Variants in ARHGAP24 observed in about 807,000 individuals in gnomAD.
ARHGAP24 encodes Rho GTPase activating protein 24.
A neutral mutation model predicts 76.4 loss-of-function variants in ARHGAP24; 50 were observed. The observed-to-expected ratio is 0.65, with a 90% CI of 0.52 to 0.83. The LOEUF is 0.83. Among genes scored for constraint, ARHGAP24 ranks in the 40% least tolerant of loss-of-function variants. The pLI, the probability that ARHGAP24 is intolerant of heterozygous loss-of-function variation, is 0.00. For missense variants in ARHGAP24, 930 were observed against 914.2 expected (o/e 1.02, Z -0.22); for synonymous variants, 345 against 323.3 (o/e 1.07, Z -0.72).
chr4:85,687,222 G>T (rs1459394256), intron 2 of ARHGAP24, among the ~76,000 whole-genome samples: 3 of 152,100 alleles, frequency 2.0e-5, no homozygotes, highest in Non-Finnish European at 4.4e-5. Flanking sequence ...GTGGTACTTG[G>T]TTTATTTATC....
intron 1 of ARHGAP24, among the ~76,000 whole-genome samples, chr4:85,568,717 T>C (rs1726950947): frequency 6.6e-6 from 1 of 152,086 alleles, no homozygotes; most frequent in South Asian, 2.1e-4. Context: ...GAATGCCCCA[T>C]AGAGCAAAGG....
At chr4:85,971,487 A>G (rs891818002) in intron 5 of ARHGAP24, among the ~76,000 whole-genome samples, 2 of 151,940 alleles carry the variant, frequency 1.3e-5, no homozygotes, top group African/African-American at 2.4e-5. Context: ...TTTTATTTTT[A>G]TGGGTACATA....
chr4:85,624,481 G>A (rs1040815858), intron 2 of ARHGAP24, among the ~76,000 whole-genome samples: 17 of 152,166 alleles, frequency 1.1e-4, no homozygotes, highest in Non-Finnish European at 1.6e-4. Flanking sequence ...TGCTGGATTC[G>A]GTTTGCCAGT....
chr4:85,660,284 T>A (rs1722328810), intron 2 of ARHGAP24, among the ~76,000 whole-genome samples: 1 of 152,244 alleles, frequency 6.6e-6, no homozygotes, highest in Non-Finnish European at 1.5e-5. Context: ...CACACTTTAG[T>A]TAATATTGAC....
rs575355937 is a variant in ARHGAP24 at position 85,869,936 on chromosome 4, C to T, written c.269-53712C>T. ...CATCCACACTGCCTCAATTTGAATCCCTACCCTACCAGTACTGTGACTTTG... is the reference window on the plus strand; with the variant it reads ...CATCCACACTGCCTCAATTTGAATCTCTACCCTACCAGTACTGTGACTTTG... On this transcript the variant is annotated intron_variant, in intron 3 of 9. Transcript: ENST00000395184. Among the ~76,000 whole-genome samples the T allele has an allele frequency of 3.3e-5, 5 of 152,222 alleles. No individual in the cohort carries two copies. The South Asian group carries it at 1.0e-3, about 32-fold the overall frequency.
chr4:85,863,584 T>G (rs1253345312), intron 3 of ARHGAP24, among the ~76,000 whole-genome samples: 2 of 152,084 alleles, frequency 1.3e-5, no homozygotes, highest in Non-Finnish European at 2.9e-5. Flanking sequence ...GGGCACAGAT[T>G]ATCTTCTCCT....
chr4:85,549,328 C>T (rs1726038215), intron 1 of ARHGAP24, among the ~76,000 whole-genome samples: 1 of 150,102 alleles, frequency 6.7e-6, no homozygotes, highest in African/African-American at 2.4e-5. Context: ...TATTGTCAGT[C>T]TTTTTAAATT....
At chr4:85,689,770 T>C (rs1309646838) in intron 2 of ARHGAP24, among the ~76,000 whole-genome samples, 2 of 152,118 alleles carry the variant, frequency 1.3e-5, no homozygotes, top group Non-Finnish European at 1.5e-5. Flanking sequence ...TTTGTCAGAG[T>C]CTTTAGGGTT....
At chr4:85,744,719 T>C (rs72656274) in intron 3 of ARHGAP24, among the ~76,000 whole-genome samples, 11,433 of 152,274 alleles carry the variant, frequency 0.075, 494 homozygotes, top group Middle Eastern at 0.1. Flanking sequence ...CCAGAACAAC[T>C]TGTAACAAAA....
At chr4:85,630,062 TA>T (rs1721108517) in intron 2 of ARHGAP24, among the ~76,000 whole-genome samples, 1 of 152,108 alleles carries the variant, frequency 6.6e-6, no homozygotes, top group Non-Finnish European at 1.5e-5. Flanking sequence ...CTTTTTCCTC[TA>T]GGTAATTTTA....
chr4:85,908,980 A>G lies in ARHGAP24; in HGVS notation c.269-14668A>G, dbSNP rs140947921. ...TGCTTTAGGTCTAGCTTGTAGACAT[A>G]TTAAAGAACAATAAGTAATGAATGG... On this transcript the variant is annotated intron_variant, in intron 3 of 9. Coordinates refer to ENST00000395184, the MANE Select transcript of ARHGAP24 (RefSeq NM_001025616.3). Among the ~76,000 whole-genome samples the G allele has an allele frequency of 5.1e-3, 773 of 152,314 alleles. 8 individuals carry two copies. Among genetic ancestry groups the G allele is most frequent in the African/African-American group, 0.018 (736 of 41,576 alleles).
At position 85,509,102 on chromosome 4, in the gene ARHGAP24, A is replaced by T. The variant is rs369832600; in HGVS notation, c.-21+33543A>T. Among the ~76,000 whole-genome samples, 410 of 149,748 alleles carry T rather than the reference A, an allele frequency of 2.7e-3. 2 individuals carry two copies. Among genetic ancestry groups the T allele is most frequent in the African/African-American group, 9.1e-3 (371 of 40,810 alleles). ...CAGTAAACTATCGCAAGAACAAAAA[A>T]CCAAATACCACATATTCTCACTCAT... On this transcript the variant is annotated intron_variant, in intron 1 of 9. Transcript: ENST00000395184.
At chr4:85,725,083 A>G (rs1257908966) in intron 3 of ARHGAP24, among the ~76,000 whole-genome samples, 1 of 152,228 alleles carries the variant, frequency 6.6e-6, no homozygotes, top group African/African-American at 2.4e-5. Context: ...TTTTAAAAAA[A>G]TAAAGAGTAG....
chr4:85,530,997 G>A (rs7690205), intron 1 of ARHGAP24, among the ~76,000 whole-genome samples: 15,736 of 152,010 alleles, frequency 0.1, 2,715 homozygotes, highest in African/African-American at 0.36. Context: ...TAATTTTCTC[G>A]AAACACAGAT....
At chr4:85,955,214 A>G (rs867865786) in intron 5 of ARHGAP24, among the ~76,000 whole-genome samples, 2 of 151,624 alleles carry the variant, frequency 1.3e-5, no homozygotes, top group Middle Eastern at 3.4e-3. Context: ...GAATAAGCCC[A>G]TGCTCCCCCC....
At chr4:85,552,928 TTGGTCTCGC>T (rs910956457) in intron 1 of ARHGAP24, among the ~76,000 whole-genome samples, 9 of 152,222 alleles carry the variant, frequency 5.9e-5, no homozygotes, top group Non-Finnish European at 8.8e-5. Context: ...TGGTGCATTC[TTGGTCTCGC>T]TGGTCTCGCT....
Position 85,485,413 on chromosome 4 carries a change from ATC to A in ARHGAP24, c.-21+9857_-21+9858del, listed in dbSNP as rs559900425. 1.4e-3 allele frequency among the ~76,000 whole-genome samples: 134 copies of A among 97,340 alleles called. 3 individuals carry two copies. The highest frequency in any genetic ancestry group is 5.0e-3 in the African/African-American group (110 of 22,120). 63.9% of individuals were successfully genotyped at this position (97,340 alleles called of 152,430 possible). ...TATATATATATATATATATATATAT[ATC>A]TCCTTGGATTTTTAAAATGTAGGCT... On this transcript the variant is annotated intron_variant, in intron 1 of 9. Transcript: ENST00000395184.
At chr4:85,592,510 T>C (rs1256478387) in intron 2 of ARHGAP24, among the ~76,000 whole-genome samples, 1 of 152,228 alleles carries the variant, frequency 6.6e-6, no homozygotes, top group Non-Finnish European at 1.5e-5. Context: ...TTTTAGTTAT[T>C]TTAAAATTTA....
chr4:85,992,241 A>G (rs1430057102), intron 8 of ARHGAP24: 1 of 396,548 alleles, frequency 2.5e-6, no homozygotes, highest in African/African-American at 2.1e-5. Context: ...ATTACTGCCG[A>G]GCTAGTCTGT....
Sources: allele counts gnomAD v4.1 joint callset (sites outside exome capture counted in the v4.1 genomes callset), GRCh38; gene constraint gnomAD v4.1.1; transcripts MANE v1.5; gene names NCBI Gene and HGNC (gene_info 2026-07-23, HGNC 2026-07-21).